DMD: variants seen among roughly 807,000 people sequenced by gnomAD.
DMD encodes mutant dystrophin.
DMD carries 63 observed loss-of-function variants against 330.1 expected under a neutral mutation model. The observed-to-expected ratio is 0.19, with a 90% CI of 0.16 to 0.24. DMD has a LOEUF of 0.24. Ranked by LOEUF, DMD falls within the 10% of genes least tolerant of loss-of-function variation. DMD has a pLI of 1.00. For synonymous variants in DMD, 1,223 were observed against 959.8 expected (o/e 1.27, Z -5.07); for missense variants, 3,344 against 2,684.1 (o/e 1.25, Z -5.43).
At chrX:31,278,143 G>A (rs981556894) in intron 62 of DMD, among the ~76,000 whole-genome samples, 3 of 110,994 alleles carry the variant, frequency 2.7e-5, no homozygotes, top group Non-Finnish European at 3.8e-5. Context: ...GCGTGTGTGC[G>A]TGTGTGTGTG....
chrX:31,802,117 G>A (rs1369042075), intron 50 of DMD, among the ~76,000 whole-genome samples: 1 of 111,064 alleles, frequency 9.0e-6, no homozygotes, highest in Non-Finnish European at 1.9e-5. Flanking sequence ...CTGGTATAAG[G>A]ATGATGAAAT....
At chrX:31,859,418 A>ATATTTGAC (rs1658084467) in intron 48 of DMD, among the ~76,000 whole-genome samples, 2 of 112,181 alleles carry the variant, frequency 1.8e-5, no homozygotes, top group African/African-American at 6.5e-5. Context: ...CTGAGAATCA[A>ATATTTGAC]TATTTGACTC....
At chrX:31,133,175 C>T (rs541684076) in intron 77 of DMD, among the ~76,000 whole-genome samples, 1 of 112,042 alleles carries the variant, frequency 8.9e-6, no homozygotes, top group Non-Finnish European at 1.9e-5. Context: ...GCCCAGATTT[C>T]CTGCTGCCCG....
intron 7 of DMD, among the ~76,000 whole-genome samples, chrX:32,723,630 TGAACATTAGCTAAGAAAAGAGACTTTAG>T (rs1326285688): frequency 9.0e-6 from 1 of 111,380 alleles, no homozygotes; most frequent in Admixed American, 9.6e-5. Flanking sequence ...TATTGTACAC[TGAACATTAGCTAAGAAAAGAGACTTTAG>T]GTATTCTTAC....
chrX:32,218,820 AAT>A (rs1412220430), intron 43 of DMD, among the ~76,000 whole-genome samples: 15 of 111,555 alleles, frequency 1.3e-4, no homozygotes, highest in African/African-American at 4.9e-4. Context: ...TTCTAACCCA[AAT>A]ATCTCTTGTT....
At chrX:31,694,250 A>C (rs2083299851) in intron 52 of DMD, among the ~76,000 whole-genome samples, 2 of 110,694 alleles carry the variant, frequency 1.8e-5, no homozygotes, top group Admixed American at 1.9e-4. Context: ...ACAAGAATCA[A>C]CTCAAAATGG....
At position 31,121,077 on chromosome X, in the gene DMD, A is replaced by C. The variant is rs757760068; in HGVS notation, c.*842T>G. ...CCTCCTGGCTTCCGGCTCCGGGAAA[A>C]ATCCATTCTAGACCAAGCAGGTAAG... is the stretch of plus-strand genomic sequence containing the variant. On this transcript the variant is annotated 3_prime_UTR_variant, in exon 79 of 79. Transcript: ENST00000357033. 3.6e-5 allele frequency: 4 copies of C among 111,870 alleles called. No individual in the cohort carries two copies. The allele number at this position is 111,870 out of a possible 1,213,427, so 9.2% of individuals were successfully genotyped here.
rs769304125 is a variant in DMD, at chrX:31,663,547, T to C, written c.7873-5403A>G. On this transcript the variant is annotated intron_variant, in intron 53 of 78. Coordinates refer to ENST00000357033, the MANE Select transcript of DMD (RefSeq NM_004006.3). ...CAATTCCACAGGGGGAAATTTAATA[T>C]ATCAAACATACATTTCATGAAATAT... Among the ~76,000 whole-genome samples, 12 of 111,857 alleles carry C rather than the reference T, an allele frequency of 1.1e-4. No individual in the cohort carries two copies. The East Asian group carries it at 3.4e-3, about 32-fold the overall frequency.
chrX:31,209,489 C>T lies in DMD; in HGVS notation c.9563+9G>A. 2 of 1,208,310 alleles carry T rather than the reference C, an allele frequency of 1.7e-6. No individual in the cohort carries two copies. Among genetic ancestry groups the T allele is most frequent in the Non-Finnish European group, 2.2e-6 (2 of 892,547 alleles). On this transcript the variant is annotated intron_variant, in intron 65 of 78. Coordinates refer to ENST00000357033, the MANE Select transcript of DMD (RefSeq NM_004006.3). ...CAGAGCCCGGGAAATAAAAACATGC[C>T]ATACGTACGTATCATAAACATTCAG...
chrX:33,321,122 G>A (rs913561489), intron 1 of DMD, among the ~76,000 whole-genome samples: 2 of 111,281 alleles, frequency 1.8e-5, no homozygotes, highest in African/African-American at 6.5e-5. Flanking sequence ...TGTTAAATGT[G>A]ATATTTTGAC....
chrX:32,810,076 T>G (rs2077260501), intron 6 of DMD, among the ~76,000 whole-genome samples: 1 of 110,444 alleles, frequency 9.1e-6, no homozygotes, highest in Non-Finnish European at 1.9e-5. Context: ...TGAACCATAA[T>G]CGTGCCACTG....
At chrX:32,671,975 G>GA (rs1340073484) in intron 9 of DMD, among the ~76,000 whole-genome samples, 1 of 111,171 alleles carries the variant, frequency 9.0e-6, no homozygotes, top group Non-Finnish European at 1.9e-5. Context: ...ATGATAAAAT[G>GA]AAAAATGACA....
chrX:32,442,977 G>T (rs950597206), intron 27 of DMD, among the ~76,000 whole-genome samples: 1 of 110,269 alleles, frequency 9.1e-6, no homozygotes, highest in African/African-American at 3.3e-5. Context: ...TTTAAACAAA[G>T]GAATAACAAA....
chrX:32,388,159 T>C (rs1194187040), intron 32 of DMD, among the ~76,000 whole-genome samples: 1 of 111,073 alleles, frequency 9.0e-6, no homozygotes, highest in Non-Finnish European at 1.9e-5. Flanking sequence ...CTTGAGCAGT[T>C]TCCTTTGTAC....
chrX:31,882,561 A>G (rs1290016571), intron 47 of DMD, among the ~76,000 whole-genome samples: 1 of 112,450 alleles, frequency 8.9e-6, no homozygotes, highest in African/African-American at 3.2e-5. Context: ...ATTTATCAGG[A>G]AAGATTGTTA....
intron 1 of DMD, among the ~76,000 whole-genome samples, chrX:33,092,646 C>T (rs1668427717): frequency 9.0e-6 from 1 of 110,920 alleles, no homozygotes; most frequent in African/African-American, 3.3e-5. Flanking sequence ...ACCTCTTTTG[C>T]TTTGATTACA....
Position 31,749,357 on chromosome X carries a change from T to C in DMD, c.7543-19609A>G, listed in dbSNP as rs774346857. Reference sequence around the variant, plus strand: ...CCCTTCCTGTGTCCATGTGTTCTCATTGTTCAATTCCCACCTATGAATGAG... The same window carrying C: ...CCCTTCCTGTGTCCATGTGTTCTCACTGTTCAATTCCCACCTATGAATGAG... On this transcript the variant is annotated intron_variant, in intron 51 of 78. Coordinates refer to ENST00000357033, the MANE Select transcript of DMD (RefSeq NM_004006.3). Among the ~76,000 whole-genome samples, 138 of 93,239 alleles carry C rather than the reference T, an allele frequency of 1.5e-3. 2 individuals carry two copies. Among genetic ancestry groups the C allele is most frequent in the African/African-American group, 5.3e-3 (133 of 25,164 alleles). The allele number at this position is 93,239 out of a possible 115,157, so 81.0% of individuals were successfully genotyped here. A position where few individuals can be genotyped will look rare whatever the true frequency, so the allele number is the denominator to read the frequency against.
At chrX:32,138,054 T>C (rs1003305374) in intron 44 of DMD, among the ~76,000 whole-genome samples, 7 of 109,619 alleles carry the variant, frequency 6.4e-5, no homozygotes, top group African/African-American at 2.3e-4. Context: ...AAGTCCTGCT[T>C]AGACTCTAGT....
At chrX:31,434,681 T>G (rs918832115) in intron 60 of DMD, among the ~76,000 whole-genome samples, 8 of 111,347 alleles carry the variant, frequency 7.2e-5, no homozygotes, top group African/African-American at 2.6e-4. Context: ...AAATAATTAT[T>G]GAATGAATGA....
Sources: gnomAD v4.1 joint callset for allele counts (sites outside exome capture counted in the v4.1 genomes callset) on GRCh38, gnomAD v4.1.1 for gene constraint, MANE v1.5 for transcripts, NCBI Gene and HGNC (gene_info 2026-07-23, HGNC 2026-07-21) for gene names.